ERC1: variants seen among roughly 807,000 people sequenced by gnomAD.
ERC1 encodes ELKS/RAB6-interacting/CAST family member 1.
Under a neutral mutation model 132.0 loss-of-function variants are expected in ERC1, and 56 were observed. The ratio of observed to expected loss-of-function variants is 0.42; its 90% CI spans 0.34 to 0.53. The LOEUF is 0.53. Ranked by LOEUF, ERC1 falls within the 20% of genes least tolerant of loss-of-function variation. The pLI is 0.03. For missense variants in ERC1, 1,202 were observed against 1,349.9 expected, an observed-to-expected ratio of 0.89 and a Z score of 1.72; for synonymous variants, 478 against 476.1, an observed-to-expected ratio of 1.00 and a Z score of -0.05.
rs777687233 is a variant in ERC1 at position 1,493,803 on chromosome 12, C to T, written c.*3573C>T. 12 of 221,710 alleles carry T rather than the reference C, an allele frequency of 5.4e-5. No individual in the cohort carries two copies. Among genetic ancestry groups the T allele is most frequent in the African/African-American group, 1.6e-4 (7 of 44,368 alleles). 13.7% of individuals were successfully genotyped at this position (221,710 alleles called of 1,614,324 possible). On this transcript the variant is annotated 3_prime_UTR_variant, in exon 19 of 19. Transcript: ENST00000360905. ...AGTCTGGTTTTCCATGAGGAACTTGCGGGCTCACCCACCCCCAGAGTGAGA... is the reference window on the plus strand; with the variant it reads ...AGTCTGGTTTTCCATGAGGAACTTGTGGGCTCACCCACCCCCAGAGTGAGA...
Position 1,408,229 on chromosome 12 carries a change from C to A in ERC1, c.3006C>A (p.His1002Gln). 1 of 1,613,590 alleles carries A rather than the reference C, an allele frequency of 6.2e-7. No individual in the cohort carries two copies. Among genetic ancestry groups the A allele is most frequent in the Non-Finnish European group, 8.5e-7 (1 of 1,179,652 alleles). ...FKSSHSNQTN[H>Q]KPSPDQIIQP... ...CCTCCCATTCCAATCAAACAAATCA[C>A]AAGCCCTCCCCAGACCAGGTAAGAT... is the stretch of plus-strand genomic sequence containing the variant. Residue 1002 changes from histidine to glutamine, a missense_variant, in exon 17 of 19, where the codon CAC (histidine) becomes CAA (glutamine). Coordinates refer to ENST00000360905, the MANE Select transcript of ERC1 (RefSeq NM_178040.4).
At chr12:1,262,994 G>A (rs1364489563) in intron 13 of ERC1, 40 bp from the exon 14 acceptor site, 5 of 1,604,996 alleles carry the variant, frequency 3.1e-6, no homozygotes, top group Non-Finnish European at 4.3e-6. Flanking sequence ...CCTGGGTTAA[G>A]TAATTAATCC....
At chr12:1,414,618 T>G (rs1460522788) in intron 17 of ERC1, among the ~76,000 whole-genome samples, 1 of 152,180 alleles carries the variant, frequency 6.6e-6, no homozygotes, top group East Asian at 1.9e-4. Flanking sequence ...ATTTCCTATG[T>G]AAGTTAGTTT....
intron 15 of ERC1, among the ~76,000 whole-genome samples, chr12:1,366,132 G>C (rs2086641200): frequency 6.6e-6 from 1 of 152,078 alleles, no homozygotes; most frequent in South Asian, 2.1e-4. Context: ...TCTGGAGGTT[G>C]GTCGCAGAAC....
chr12:1,205,367 ATG>A (rs1009684006), intron 12 of ERC1, among the ~76,000 whole-genome samples: 9 of 150,144 alleles, frequency 6.0e-5, no homozygotes, highest in South Asian at 2.1e-4. Flanking sequence ...GATTATATAT[ATG>A]TGTGTGTGTG....
At chr12:1,187,595 C>T (rs1478920931) in intron 11 of ERC1, among the ~76,000 whole-genome samples, 1 of 152,110 alleles carries the variant, frequency 6.6e-6, no homozygotes, top group Non-Finnish European at 1.5e-5. Context: ...AATATTCCAG[C>T]TACATTTAAT....
chr12:1,064,958 C>G (rs543708537), intron 2 of ERC1, among the ~76,000 whole-genome samples: 1 of 152,038 alleles, frequency 6.6e-6, no homozygotes, highest in African/African-American at 2.4e-5. Context: ...GGGCTTTATT[C>G]TTTTTTATCC....
chr12:1,345,515 A>G (rs1158383032), intron 15 of ERC1, among the ~76,000 whole-genome samples: 1 of 152,198 alleles, frequency 6.6e-6, no homozygotes, highest in African/African-American at 2.4e-5. Flanking sequence ...GAGAATTCCT[A>G]AGCCATCCTT....
chr12:1,157,144 C>T (rs570275819), intron 8 of ERC1, among the ~76,000 whole-genome samples: 5 of 152,170 alleles, frequency 3.3e-5, no homozygotes, highest in African/African-American at 1.2e-4. Context: ...ACTCTGTCAC[C>T]CAGGCTGGAG....
At chr12:1,287,448 T>G (rs2079111414) in intron 14 of ERC1, among the ~76,000 whole-genome samples, 1 of 152,114 alleles carries the variant, frequency 6.6e-6, no homozygotes, top group African/African-American at 2.4e-5. Flanking sequence ...TGTGAGGGTA[T>G]TTGGGGATGA....
rs575998738 is a variant in ERC1 at position 1,207,358 on chromosome 12, A to G, written c.2351+17306A>G. 1.6e-4 allele frequency among the ~76,000 whole-genome samples: 25 copies of G among 152,272 alleles called. No individual in the cohort carries two copies. The East Asian group carries it at 4.4e-3, about 27-fold the overall frequency. ...CCTAGAAAATTTCTGACCCCATAAA[A>G]TCTATTTACAAGGAGTTTGACTTAT... On this transcript the variant is annotated intron_variant, in intron 12 of 18. Transcript: ENST00000360905.
chr12:1,311,616 G>GT (rs1394647602), intron 15 of ERC1, among the ~76,000 whole-genome samples: 2 of 152,058 alleles, frequency 1.3e-5, no homozygotes. Context: ...ATGTGAAGTG[G>GT]TAATAGTTTT....
At chr12:1,140,264 A>G (rs1232003749) in intron 7 of ERC1, among the ~76,000 whole-genome samples, 2 of 152,190 alleles carry the variant, frequency 1.3e-5, no homozygotes, top group Admixed American at 1.3e-4. Flanking sequence ...TTTCCATACT[A>G]CTTAACTGAG....
intron 18 of ERC1, among the ~76,000 whole-genome samples, chr12:1,456,543 A>C (rs1454671712): frequency 1.3e-5 from 2 of 152,192 alleles, no homozygotes; most frequent in East Asian, 3.8e-4. Flanking sequence ...TATTATTTCT[A>C]AATATCTTGT....
intron 16 of ERC1, among the ~76,000 whole-genome samples, chr12:1,392,613 G>C (rs77021246): frequency 2.0e-5 from 3 of 151,978 alleles, no homozygotes; most frequent in African/African-American, 7.2e-5. Context: ...GTCCTTAATG[G>C]GTATTCATTT....
chr12:1,009,077 C>G (rs932118686), intron 1 of ERC1, among the ~76,000 whole-genome samples: 2 of 151,838 alleles, frequency 1.3e-5, no homozygotes, highest in African/African-American at 4.8e-5. Flanking sequence ...TTTGAGCAAA[C>G]TAATTTTAAC....
rs60378521 is a variant in ERC1, at chr12:1,218,833, T to TAC, written c.2352-17914_2352-17913dup. 3.7e-3 allele frequency among the ~76,000 whole-genome samples: 550 copies of TAC among 148,574 alleles called. 2 individuals carry two copies. The highest frequency in any genetic ancestry group is 9.9e-3 in the East Asian group (50 of 5,052). ...AGTCCTATTCTCATATATATATATATACACACACACACACACACACACATA... is the reference window on the plus strand; with the variant it reads ...AGTCCTATTCTCATATATATATATATACACACACACACACACACACACACATA... On this transcript the variant is annotated intron_variant, in intron 12 of 18. Transcript: ENST00000360905.
intron 7 of ERC1, among the ~76,000 whole-genome samples, chr12:1,138,058 A>T (rs112708869): frequency 2.2e-5 from 2 of 90,096 alleles, no homozygotes; most frequent in African/African-American, 4.5e-5. Flanking sequence ...AATTATATAT[A>T]ATTATATATT....
intron 15 of ERC1, among the ~76,000 whole-genome samples, chr12:1,348,139 A>G (rs1252445736): frequency 1.3e-5 from 2 of 152,184 alleles, no homozygotes; most frequent in Non-Finnish European, 2.9e-5. Flanking sequence ...ATTTGCTAAT[A>G]AGGAACCACT....
Sources: gnomAD v4.1 joint callset for allele counts (sites outside exome capture counted in the v4.1 genomes callset) on GRCh38, gnomAD v4.1.1 for gene constraint, MANE v1.5 for transcripts, NCBI Gene and HGNC (gene_info 2026-07-23, HGNC 2026-07-21) for gene names.